KIF1B: variants seen among roughly 807,000 people sequenced by gnomAD.
The protein encoded by KIF1B is kinesin family member 1B, also known as kinesin-like protein KIF1B.
Under a neutral mutation model 241.9 loss-of-function variants are expected in KIF1B, and 76 were observed. The observed-to-expected ratio is 0.31, with a 90% CI of 0.26 to 0.38. KIF1B has a LOEUF of 0.38. KIF1B is among the 10% of genes least tolerant of loss of function. The pLI, the probability that KIF1B is intolerant of heterozygous loss-of-function variation, is 1.00. For missense variants in KIF1B, 1,622 were observed against 2,271.4 expected (o/e 0.71, Z 5.81); for synonymous variants, 750 against 796.7 (o/e 0.94, Z 0.99).
chr1:10,344,943 C>T (rs957593216), intron 34 of KIF1B: 2 of 152,194 alleles, frequency 1.3e-5, no homozygotes, highest in African/African-American at 2.4e-5. Flanking sequence ...CCTGTAATCC[C>T]AGCATTTGGG....
intron 16 of KIF1B, 82 bp from the exon 17 acceptor site, chr1:10,291,965 A>T: frequency 1.7e-6 from 2 of 1,189,276 alleles, no homozygotes; most frequent in South Asian, 2.5e-5. Context: ...TTTGCTTTGC[A>T]GGCTTTATTT....
rs183378406 is a variant in KIF1B at position 10,278,859 on chromosome 1, A to G, written c.1181-238A>G. The G allele has an allele frequency of 1.4e-3, 616 of 447,904 alleles. 8 individuals carry two copies. Among genetic ancestry groups the G allele is most frequent in the African/African-American group, 0.011 (561 of 51,654 alleles). 27.7% of individuals were successfully genotyped at this position (447,904 alleles called of 1,614,324 possible). On this transcript the variant is annotated intron_variant, in intron 13 of 48. Transcript: ENST00000676179. ...TTAGTAAAGCATTTTTTTTTAGTGT[A>G]AAGTTAAACTTATATTCCTTGAAGT...
rs767777842 is a variant in KIF1B at position 10,339,867 on chromosome 1, A to C, written c.3513+8A>C. ...TTTTATCATGTGCAGAATGTAAGTGACATGGACCTTTTTGCCAAACATATG... is the reference window on the plus strand; with the variant it reads ...TTTTATCATGTGCAGAATGTAAGTGCCATGGACCTTTTTGCCAAACATATG... On this transcript the variant is annotated splice_region_variant and intron_variant, in intron 32 of 48. Transcript: ENST00000676179. The C allele has an allele frequency of 6.2e-6, 10 of 1,611,536 alleles. No homozygotes were observed. The highest frequency in any genetic ancestry group is 6.8e-6 in the Non-Finnish European group (8 of 1,177,772).
intron 2 of KIF1B, among the ~76,000 whole-genome samples, chr1:10,254,042 G>T (rs1320705196): frequency 6.6e-6 from 1 of 152,224 alleles, no homozygotes; most frequent in African/African-American, 2.4e-5. Context: ...TCTCAAAGGA[G>T]TAGATTGGTT....
At position 10,379,261 on chromosome 1, in the gene KIF1B, T is replaced by G; in HGVS notation, c.*2674T>G. The G allele has an allele frequency of 4.3e-6, 1 of 231,572 alleles. No individual in the cohort carries two copies. Among genetic ancestry groups the G allele is most frequent in the East Asian group, 6.1e-5 (1 of 16,284 alleles). The allele number at this position is 231,572 out of a possible 1,614,324, so 14.3% of individuals were successfully genotyped here. ...TTCTTCTAACTCATACAAAACTGGTTTGGAAAGTCTTTGCTTTGGAAGCGT... is the reference window on the plus strand; with the variant it reads ...TTCTTCTAACTCATACAAAACTGGTGTGGAAAGTCTTTGCTTTGGAAGCGT... On this transcript the variant is annotated 3_prime_UTR_variant, in exon 49 of 49. Coordinates refer to ENST00000676179, the MANE Select transcript of KIF1B (RefSeq NM_001365951.3).
chr1:10,361,930 T>A (rs549432046), intron 40 of KIF1B, 105 bp downstream of exon 40: 7 of 1,387,456 alleles, frequency 5.0e-6, no homozygotes, highest in Non-Finnish European at 7.1e-6. Context: ...GTTTACAGTT[T>A]ATGAACCATT....
intron 2 of KIF1B, 77 bp downstream of exon 2, chr1:10,232,511 A>AACACAGC: frequency 9.8e-7 from 1 of 1,015,674 alleles, no homozygotes; most frequent in African/African-American, 1.6e-5. Context: ...CTGTGTTCAG[A>AACACAGC]ATAGATGAAC....
chr1:10,266,665 A>T (rs145250225), intron 5 of KIF1B, among the ~76,000 whole-genome samples: 110 of 152,304 alleles, frequency 7.2e-4, no homozygotes, highest in African/African-American at 2.5e-3. Flanking sequence ...ACTCTAATAG[A>T]AATCTTATTT....
At chr1:10,226,619 A>T (rs1646911843) in intron 1 of KIF1B, among the ~76,000 whole-genome samples, 1 of 152,194 alleles carries the variant, frequency 6.6e-6, no homozygotes, top group Admixed American at 6.5e-5. Context: ...CCCCTAACAA[A>T]TTCCTTAATA....
chr1:10,277,959 A>G (rs1649203881), intron 12 of KIF1B, 27 bp from the exon 13 acceptor site: 1 of 1,608,500 alleles, frequency 6.2e-7, no homozygotes, highest in Admixed American at 1.7e-5. Context: ...GAGAAATGAC[A>G]AGAACAAATT....
intron 7 of KIF1B, among the ~76,000 whole-genome samples, chr1:10,268,524 A>G (rs924253262): frequency 4.6e-5 from 7 of 152,182 alleles, no homozygotes; most frequent in African/African-American, 1.4e-4. Flanking sequence ...AAACTACTCA[A>G]TACAAGACAG....
At chr1:10,264,279 T>C (rs1485654590) in intron 5 of KIF1B, among the ~76,000 whole-genome samples, 4 of 152,228 alleles carry the variant, frequency 2.6e-5, no homozygotes, top group Admixed American at 1.3e-4. Flanking sequence ...TATTTAGTGG[T>C]GTATACCAAT....
intron 45 of KIF1B, among the ~76,000 whole-genome samples, chr1:10,372,142 T>G (rs1638749763): frequency 6.6e-6 from 1 of 152,170 alleles, no homozygotes; most frequent in South Asian, 2.1e-4. Flanking sequence ...AAATTTAGGA[T>G]GCCACAGACT....
intron 34 of KIF1B, 144 bp from the exon 35 acceptor site, chr1:10,345,701 C>T: frequency 2.9e-6 from 2 of 687,054 alleles, no homozygotes; most frequent in South Asian, 3.3e-5. Flanking sequence ...ATTGGTGTTT[C>T]TCTGGGTCTT....
At chr1:10,343,851 T>C (rs1652490551) in intron 34 of KIF1B, among the ~76,000 whole-genome samples, 1 of 152,218 alleles carries the variant, frequency 6.6e-6, no homozygotes, top group African/African-American at 2.4e-5. Context: ...TCTGGTCTTC[T>C]ATTTGCAGAT....
At chr1:10,367,683 C>T (rs753386703) in intron 43 of KIF1B, among the ~76,000 whole-genome samples, 1 of 151,360 alleles carries the variant, frequency 6.6e-6, no homozygotes, top group Non-Finnish European at 1.5e-5. Flanking sequence ...TACAGGTGTG[C>T]ACCACCATGC....
chr1:10,251,786 A>G (rs1647465569), intron 2 of KIF1B, among the ~76,000 whole-genome samples: 1 of 151,860 alleles, frequency 6.6e-6, no homozygotes, highest in Non-Finnish European at 1.5e-5. Flanking sequence ...TATGGTGCAG[A>G]GGCTTAAAAG....
At chr1:10,250,690 G>A (rs1429491660) in intron 2 of KIF1B, among the ~76,000 whole-genome samples, 2 of 152,116 alleles carry the variant, frequency 1.3e-5, no homozygotes, top group Admixed American at 6.6e-5. Context: ...GCTTGGCATG[G>A]TAGTGCACAC....
chr1:10,233,005 T>C (rs150240614), intron 2 of KIF1B, among the ~76,000 whole-genome samples: 13 of 152,332 alleles, frequency 8.5e-5, no homozygotes, highest in African/African-American at 2.4e-4. Context: ...CTTGATATGG[T>C]TCCATAGGCA....
Sources: gnomAD v4.1 joint callset for allele counts (sites outside exome capture counted in the v4.1 genomes callset) on GRCh38, gnomAD v4.1.1 for gene constraint, MANE v1.5 for transcripts, NCBI Gene and HGNC (gene_info 2026-07-23, HGNC 2026-07-21) for gene names.